CDK11B: variants seen among roughly 807,000 people sequenced by gnomAD.
CDK11B encodes the protein cyclin dependent kinase 11B, also known as cyclin-dependent kinase 11B.
CDK11B carries 37 observed loss-of-function variants against 84.0 expected under a neutral mutation model. That is an observed-to-expected ratio of 0.44 (90% confidence interval 0.34 to 0.58). The LOEUF is 0.58. CDK11B is among the 20% of genes least tolerant of loss of function. CDK11B has a pLI of 0.02. For missense variants in CDK11B, 427 were observed against 834.0 expected (o/e 0.51, Z 6.01); for synonymous variants, 269 against 309.8 (o/e 0.87, Z 1.38).
intron 17 of CDK11B, 66 bp downstream of exon 17, chr1:1,636,616 C>A (rs192957649): frequency 1.9e-6 from 3 of 1,605,818 alleles, no homozygotes; most frequent in East Asian, 2.2e-5. Context: ...ACCTGTGCGC[C>A]CCGCAGCCCC....
intron 1 of CDK11B, among the ~76,000 whole-genome samples, chr1:1,658,366 C>G (rs1234148304): frequency 2.7e-5 from 4 of 149,888 alleles, no homozygotes; most frequent in African/African-American, 1.0e-4. Context: ...CGCTTGAAAT[C>G]AAGTCTCGTT....
chr1:1,643,458 G>A (rs1045042594), intron 6 of CDK11B, among the ~76,000 whole-genome samples: 1 of 151,588 alleles, frequency 6.6e-6, no homozygotes, highest in Non-Finnish European at 1.5e-5. Flanking sequence ...CAAAGAAATA[G>A]GACAGTATGT....
intron 5 of CDK11B, chr1:1,645,740 T>C (rs1179049117): frequency 3.0e-6 from 1 of 333,514 alleles, no homozygotes; most frequent in East Asian, 8.5e-5. Context: ...GTTTGCTTCA[T>C]GGATTTTGGG....
Position 1,649,496 on chromosome 1 carries a change from C to T in CDK11B, c.494+3G>A. Reference sequence around the variant, plus strand: ...AAGTCCTCAACTGACCCAGCCGACTCACCTTTCTCTCCTGGAATGCTCCCT... The same window carrying T: ...AAGTCCTCAACTGACCCAGCCGACTTACCTTTCTCTCCTGGAATGCTCCCT... On this transcript the variant is annotated splice_donor_region_variant and intron_variant, in intron 5 of 19. Coordinates refer to ENST00000341832, the MANE Select transcript of CDK11B (RefSeq NM_033486.3). The T allele has an allele frequency of 1.3e-6, 2 of 1,575,870 alleles. No individual in the cohort carries two copies. Among genetic ancestry groups the T allele is most frequent in the Non-Finnish European group, 1.7e-6 (2 of 1,145,640 alleles).
intron 3 of CDK11B, chr1:1,654,210 AAAAC>A (rs1468839581): frequency 1.3e-5 from 6 of 452,678 alleles, no homozygotes; most frequent in Admixed American, 2.5e-5. Flanking sequence ...ATATGAGAAG[AAAAC>A]AAACGAGAAA....
rs768521706 is a variant in CDK11B, at chr1:1,637,424, T to C, written c.1554A>G (p.Lys518=). The C allele has an allele frequency of 1.7e-5, 28 of 1,613,690 alleles. No individual in the cohort carries two copies. Among genetic ancestry groups the C allele is most frequent in the East Asian group, 8.9e-5 (4 of 44,882 alleles). The change falls in exon 14 of 20, where the codon AAA becomes AAG. Residue 518 remains lysine (K), a synonymous_variant. Coordinates refer to ENST00000341832, the MANE Select transcript of CDK11B (RefSeq NM_033486.3). ...CGGCTGTACCTGGCAGGAAGGGCTG[T>C]TTCATGGTCTCCATCAGGCTCTTGA... ...HDLKSLMETM[K]QPFLPGEVKT...
In CDK11B at chr1:1,636,402, T is replaced by A. The variant is rs772605268; in HGVS notation, c.1997A>T (p.His666Leu). Residue 666 changes from histidine (H) to leucine (L), a missense_variant, in exon 18 of 20, where the codon CAC becomes CTC. By Grantham distance (99) the His-to-Leu change is moderately conservative. Transcript: ENST00000341832. ...GCGCTTGCGGAGGTTGTTGTAGGGG[T>A]GCTCGCTGAAGGTCATCTTCTTGAC... ...PAVKKMTFSE[H>L]PYNNLRKRFG... 3.1e-6 allele frequency: 5 copies of A among 1,610,838 alleles called. No homozygotes were observed.
intron 2 of CDK11B, among the ~76,000 whole-genome samples, chr1:1,656,184 C>T (rs1488964629): frequency 6.6e-6 from 1 of 151,966 alleles, no homozygotes; most frequent in Non-Finnish European, 1.5e-5. Flanking sequence ...GGTTTCCCAA[C>T]GCATATAAAA....
rs188859715 is a variant in CDK11B, at chr1:1,640,778, G to A, written c.1075+270C>T. On this transcript the variant is annotated intron_variant, in intron 10 of 19. Coordinates refer to ENST00000341832, the MANE Select transcript of CDK11B (RefSeq NM_033486.3). ...CCTCTGCTCTGCAGGGACAGGCCCG[G>A]AGCCACCATCTGACGGGCCTCCCCT... is the stretch of plus-strand genomic sequence containing the variant. 1.7e-3 allele frequency among the ~76,000 whole-genome samples: 263 copies of A among 152,336 alleles called. No homozygotes were observed. In the South Asian group the frequency reaches 0.02, roughly 12 times the overall value.
At position 1,636,326 on chromosome 1, in the gene CDK11B, G is replaced by A. The variant is rs1403960407; in HGVS notation, c.2066+7C>T. The stretch of plus-strand genomic sequence containing the variant: ...GACCTCCCGCCACCCGGCTGCACTG[G>A]GCTCACTTGTTCATGAGGTCGAAGC... On this transcript the variant is annotated splice_region_variant and intron_variant, in intron 18 of 19. Transcript: ENST00000341832. 4 of 1,562,808 alleles carry A rather than the reference G, an allele frequency of 2.6e-6. No individual in the cohort carries two copies. The highest frequency in any genetic ancestry group is 1.2e-5 in the South Asian group (1 of 85,398).
intron 4 of CDK11B, 128 bp downstream of exon 4, chr1:1,652,311 C>G (rs1459537784): frequency 1.3e-6 from 1 of 751,902 alleles, no homozygotes; most frequent in East Asian, 3.0e-5. Flanking sequence ...GTCTGTGACA[C>G]ACGTATGCTT....
chr1:1,653,808 T>A (rs569724178), intron 3 of CDK11B, among the ~76,000 whole-genome samples: 16 of 142,682 alleles, frequency 1.1e-4, no homozygotes, highest in Admixed American at 2.1e-4. Context: ...CACAGTGAAA[T>A]CCGTCTCTAC....
At chr1:1,653,721 C>T (rs1175734307) in intron 3 of CDK11B, among the ~76,000 whole-genome samples, 4 of 151,934 alleles carry the variant, frequency 2.6e-5, no homozygotes, top group African/African-American at 9.7e-5. Context: ...CAGTGGCTCA[C>T]GCCAGTAATC....
At chr1:1,650,255 C>G (rs1347213920) in intron 4 of CDK11B, among the ~76,000 whole-genome samples, 1 of 57,120 alleles carries the variant, frequency 1.8e-5, no homozygotes, top group Non-Finnish European at 3.2e-5. Flanking sequence ...GGGTGACAAG[C>G]AAGACTCCGT....
chr1:1,649,971 C>A (rs1450361202), intron 4 of CDK11B, among the ~76,000 whole-genome samples: 7 of 133,196 alleles, frequency 5.3e-5, no homozygotes, highest in African/African-American at 1.6e-4. Context: ...AAAAAAAAAA[C>A]CCACGTGAAA....
At position 1,636,564 on chromosome 1, in the gene CDK11B, C is replaced by CAG. The variant is rs933626294; in HGVS notation, c.1918-85_1918-84dup. On this transcript the variant is annotated intron_variant, in intron 17 of 19. Coordinates refer to ENST00000341832, the MANE Select transcript of CDK11B (RefSeq NM_033486.3). The stretch of plus-strand genomic sequence containing the variant: ...TGTCCCGTCAGAGAAGACAAGCCAC[C>CAG]AGGAGGGCTCTCAGTGGCCCTGGTC... 17 of 1,572,010 alleles carry CAG rather than the reference C, an allele frequency of 1.1e-5. No homozygotes were observed. The African/African-American group carries it at 2.3e-4, about 21-fold the overall frequency.
rs1639144493 is a variant in CDK11B at position 1,635,273 on chromosome 1, A to G, written c.*491T>C. 1.4e-5 allele frequency: 1 copy of G among 69,314 alleles called. No homozygotes were observed. Among genetic ancestry groups the G allele is most frequent in the Non-Finnish European group, 2.7e-5 (1 of 37,060 alleles). 4.3% of individuals were successfully genotyped at this position (69,314 alleles called of 1,614,324 possible). ...ACATTTTAAAACTCAACAACCTTGTATAAAAACCTGTCGAGTCTGCTGGCA... is the reference window on the plus strand; with the variant it reads ...ACATTTTAAAACTCAACAACCTTGTGTAAAAACCTGTCGAGTCTGCTGGCA... On this transcript the variant is annotated 3_prime_UTR_variant, in exon 20 of 20. Coordinates refer to ENST00000341832, the MANE Select transcript of CDK11B (RefSeq NM_033486.3).
Position 1,635,486 on chromosome 1 carries a change from G to C in CDK11B, c.*278C>G, listed in dbSNP as rs1272119556. On this transcript the variant is annotated 3_prime_UTR_variant, in exon 20 of 20. Coordinates refer to ENST00000341832, the MANE Select transcript of CDK11B (RefSeq NM_033486.3). ...CGGCCCAGCCAGCCCCGTGCGTGTC[G>C]AGAGTGGGAGAGGGTGTGTGGAGGT... 1 of 353,662 alleles carries C rather than the reference G, an allele frequency of 2.8e-6. No homozygotes were observed. Among genetic ancestry groups the C allele is most frequent in the Non-Finnish European group, 4.8e-6 (1 of 207,276 alleles). 21.9% of individuals were successfully genotyped at this position (353,662 alleles called of 1,614,324 possible). A position where few individuals can be genotyped will look rare whatever the true frequency, so the allele number is the denominator to read the frequency against.
chr1:1,649,449 A>G lies in CDK11B; in HGVS notation c.494+50T>C, dbSNP rs1465170675. 708 of 1,329,748 alleles carry G rather than the reference A, an allele frequency of 5.3e-4. 9 individuals are homozygous for G. The East Asian group carries it at 0.014, about 27-fold the overall frequency. 82.4% of individuals were successfully genotyped at this position (1,329,748 alleles called of 1,614,324 possible). Reference sequence around the variant, plus strand: ...TTCTTCTTCATTTCTAGGATGGGACACACTACCACAGCCCTTTTATAAAGT... The same window carrying G: ...TTCTTCTTCATTTCTAGGATGGGACGCACTACCACAGCCCTTTTATAAAGT... On this transcript the variant is annotated intron_variant, in intron 5 of 19. Transcript: ENST00000341832.
Sources: gnomAD v4.1 joint callset for allele counts (sites outside exome capture counted in the v4.1 genomes callset) on GRCh38, gnomAD v4.1.1 for gene constraint, MANE v1.5 for transcripts, NCBI Gene and HGNC (gene_info 2026-07-23, HGNC 2026-07-21) for gene names.